CKMT2: variants seen among roughly 807,000 people sequenced by gnomAD.
CKMT2 encodes the protein creatine kinase, mitochondrial 2, also known as creatine kinase S-type, mitochondrial.
Under a neutral mutation model 48.9 loss-of-function variants are expected in CKMT2, and 43 were observed. The ratio of observed to expected loss-of-function variants is 0.88; its 90% CI spans 0.69 to 1.13. The LOEUF (loss-of-function observed/expected upper bound fraction) is 1.13. CKMT2 is among the 50% of genes most tolerant of loss of function. The probability of loss-of-function intolerance (pLI) is 0.00; values close to 1 mark genes in which losing one functional copy is unlikely to be tolerated. For synonymous variants in CKMT2, 206 were observed against 213.0 expected, an observed-to-expected ratio of 0.97 and a Z score of 0.29; for missense variants, 472 against 555.4, an observed-to-expected ratio of 0.85 and a Z score of 1.51.
At chr5:81,239,923 C>T (rs192007396) in intron 1 of CKMT2, among the ~76,000 whole-genome samples, 90 of 152,266 alleles carry the variant, frequency 5.9e-4, no homozygotes, top group African/African-American at 1.9e-3. Context: ...GGGAATAACA[C>T]GAGCACACAG....
At chr5:81,234,066 G>A (rs1210407628) in intron 1 of CKMT2, among the ~76,000 whole-genome samples, 1 of 143,226 alleles carries the variant, frequency 7.0e-6, no homozygotes, top group Admixed American at 7.1e-5. Context: ...TTGGCCCCAC[G>A]TGTTTCACCT....
Position 81,266,300 on chromosome 5 carries a change from C to A in CKMT2, c.*42C>A. The A allele has an allele frequency of 6.3e-7, 1 of 1,599,380 alleles. No individual in the cohort carries two copies. Among genetic ancestry groups the A allele is most frequent in the Non-Finnish European group, 8.6e-7 (1 of 1,168,844 alleles). ...TTTATAAATAATCTGTCTGCTGGTA[C>A]GACAGACATAAATCTCTACTCTGAG... On this transcript the variant is annotated 3_prime_UTR_variant, in exon 10 of 10. Coordinates refer to ENST00000254035, the MANE Select transcript of CKMT2 (RefSeq NM_001099735.2).
At chr5:81,254,793 T>C (rs537456086) in intron 4 of CKMT2, 200 bp from the exon 5 acceptor site, 75 of 611,774 alleles carry the variant, frequency 1.2e-4, no homozygotes, top group Admixed American at 4.1e-4. Context: ...GACCACGCTA[T>C]ATAAAACAGC....
rs538597454 is a variant in CKMT2, at chr5:81,250,746, G to GA, written c.-20-366dup. Reference sequence around the variant, plus strand: ...TCCATCCTGTTCAGGGTCTAGTTGTGATGCAGTGGCAAAGTTCAATAGAGC... The same window carrying GA: ...TCCATCCTGTTCAGGGTCTAGTTGTGAATGCAGTGGCAAAGTTCAATAGAGC... On this transcript the variant is annotated intron_variant, in intron 1 of 9. Transcript: ENST00000254035. 7.4e-3 allele frequency: 1,159 copies of GA among 155,930 alleles called. 15 individuals are homozygous for GA. Among genetic ancestry groups the GA allele is most frequent in the South Asian group, 0.03 (157 of 5,162 alleles). The allele number at this position is 155,930 out of a possible 1,614,324, so 9.7% of individuals were successfully genotyped here. A position where few individuals can be genotyped will look rare whatever the true frequency, so the allele number is the denominator to read the frequency against.
chr5:81,251,794 CTTGCAGTCCAG>C (rs1347913967), intron 2 of CKMT2: 1 of 153,750 alleles, frequency 6.5e-6, no homozygotes, highest in African/African-American at 2.4e-5. Flanking sequence ...TTGCTTAGAG[CTTGCAGTCCAG>C]TTGCATAGTA....
At chr5:81,253,178 T>G (rs764152055) in intron 3 of CKMT2, among the ~76,000 whole-genome samples, 6 of 152,064 alleles carry the variant, frequency 3.9e-5, no homozygotes, top group African/African-American at 1.2e-4. Flanking sequence ...AGTGGATGAG[T>G]TGGTACAGAA....
At chr5:81,264,637 G>A (rs1267045760) in intron 9 of CKMT2, among the ~76,000 whole-genome samples, 1 of 152,048 alleles carries the variant, frequency 6.6e-6, no homozygotes, top group Non-Finnish European at 1.5e-5. Context: ...AGAAAATCTG[G>A]GAGTCTATCC....
Position 81,251,235 on chromosome 5 carries a change from C to A in CKMT2, c.103C>A (p.Gln35Lys). The change falls in exon 2 of 10, where the codon CAG (glutamine) becomes AAG (lysine). Residue 35 changes from glutamine to lysine, a missense_variant. Coordinates refer to ENST00000254035, the MANE Select transcript of CKMT2 (RefSeq NM_001099735.2). Reference protein sequence around the residue: ...VLTTGYLLNRQKVCAEVREQP... With the variant: ...VLTTGYLLNRKKVCAEVREQP... ...GACCACCGGGTACCTGCTGAACCGG[C>A]AGAAAGTGTGTGCCGAGGTCCGGGA... The A allele has an allele frequency of 1.2e-6, 2 of 1,614,200 alleles. No individual in the cohort carries two copies. Among genetic ancestry groups the A allele is most frequent in the Non-Finnish European group, 1.7e-6 (2 of 1,180,024 alleles).
rs145032557 is a variant in CKMT2, at chr5:81,257,757, C to T, written c.780C>T (p.Leu260=). Residue 260 remains leucine, a synonymous_variant, in exon 7 of 10, where the codon CTC becomes CTT. Transcript: ENST00000254035. ...GIWHNYDKTF[L]IWINEEDHTR... Reference sequence around the variant, plus strand: ...GGCATAATTATGATAAGACATTTCTCATCTGGATAAATGAGGAGGATCACA... The same window carrying T: ...GGCATAATTATGATAAGACATTTCTTATCTGGATAAATGAGGAGGATCACA... The T allele has an allele frequency of 1.4e-5, 22 of 1,611,898 alleles. No homozygotes were observed. The highest frequency in any genetic ancestry group is 1.8e-5 in the Non-Finnish European group (21 of 1,178,416).
Position 81,251,181 on chromosome 5 carries a change from C to A in CKMT2, c.49C>A (p.Leu17Met), listed in dbSNP as rs772050353. The A allele has an allele frequency of 3.1e-6, 5 of 1,614,124 alleles. No homozygotes were observed. The highest frequency in any genetic ancestry group is 1.7e-5 in the Admixed American group (1 of 60,026). ...KLLTGRNASL[L>M]FATMGTSVLT... ...GCTAACTGGCCGCAATGCTTCTCTGCTGTTTGCTACCATGGGCACCAGTGT... is the reference window on the plus strand; with the variant it reads ...GCTAACTGGCCGCAATGCTTCTCTGATGTTTGCTACCATGGGCACCAGTGT... Residue 17 changes from leucine to methionine, a missense_variant, in exon 2 of 10, where the codon CTG becomes ATG. Transcript: ENST00000254035.
At chr5:81,258,660 A>AC in intron 7 of CKMT2, among the ~76,000 whole-genome samples, 1 of 152,210 alleles carries the variant, frequency 6.6e-6, no homozygotes, top group African/African-American at 2.4e-5. Flanking sequence ...CAGCATTACT[A>AC]CCTGAGTTCT....
At chr5:81,259,870 C>T (rs1757150894) in intron 8 of CKMT2, among the ~76,000 whole-genome samples, 2 of 152,164 alleles carry the variant, frequency 1.3e-5, no homozygotes, top group Non-Finnish European at 2.9e-5. Context: ...ACCAAGTGGA[C>T]CTCATACACA....
intron 1 of CKMT2, among the ~76,000 whole-genome samples, chr5:81,240,175 G>A (rs773808053): frequency 2.0e-5 from 3 of 152,066 alleles, no homozygotes; most frequent in Non-Finnish European, 4.4e-5. Flanking sequence ...GTGTTCCTGC[G>A]AAGGAAGGCC....
chr5:81,237,192 C>A (rs1257770931), intron 1 of CKMT2, among the ~76,000 whole-genome samples: 1 of 152,122 alleles, frequency 6.6e-6, no homozygotes, highest in African/African-American at 2.4e-5. Flanking sequence ...AAGTTAAAAT[C>A]AAAAAGCATT....
In CKMT2 at chr5:81,255,162, G is replaced by T. The variant is rs780280937; in HGVS notation, c.617G>T (p.Arg206Leu). 1 of 1,614,108 alleles carries T rather than the reference G, an allele frequency of 6.2e-7. No individual in the cohort carries two copies. Among genetic ancestry groups the T allele is most frequent in the Admixed American group, 1.7e-5 (1 of 60,014 alleles). ...GGCCTCAAGGGGGACCTGGCTGGCC[G>T]CTACTACAAGCTGTCCGAGATGACG... ...LEGLKGDLAG[R>L]YYKLSEMTEQ... is the part of the protein sequence containing the mutation. The change falls in exon 5 of 10, where the codon CGC becomes CTC. Residue 206 changes from arginine (R) to leucine (L), a missense_variant. Transcript: ENST00000254035.
intron 8 of CKMT2, among the ~76,000 whole-genome samples, chr5:81,262,342 G>A (rs1172009858): frequency 2.6e-5 from 4 of 152,252 alleles, no homozygotes; most frequent in South Asian, 2.1e-4. Context: ...ATTGACAAAT[G>A]GGATCTAATT....
chr5:81,242,346 A>C (rs1336893323), intron 1 of CKMT2: 2 of 409,400 alleles, frequency 4.9e-6, no homozygotes, highest in Non-Finnish European at 9.4e-6. Flanking sequence ...CTTGCATTTG[A>C]AGTACTCTTT....
chr5:81,261,544 C>G (rs1757224738), intron 8 of CKMT2, among the ~76,000 whole-genome samples: 1 of 151,498 alleles, frequency 6.6e-6, no homozygotes, highest in East Asian at 1.9e-4. Context: ...ACAAGCATTC[C>G]TATACACCAA....
chr5:81,241,909 GCTC>G (rs138519557), intron 1 of CKMT2, among the ~76,000 whole-genome samples: 1 of 151,674 alleles, frequency 6.6e-6, no homozygotes, highest in East Asian at 1.9e-4. Context: ...CCTAGCACTT[GCTC>G]CTCATCTGAT....
Sources: gnomAD v4.1 joint callset for allele counts (sites outside exome capture counted in the v4.1 genomes callset) on GRCh38, gnomAD v4.1.1 for gene constraint, MANE v1.5 for transcripts, NCBI Gene and HGNC (gene_info 2026-07-23, HGNC 2026-07-21) for gene names.